The following CCNE2 variants were observed in gnomAD, a reference collection of about 807,000 sequenced individuals.
CCNE2 encodes cyclin E2.
In CCNE2, 18 loss-of-function variants were observed where a neutral mutation model predicts 56.8. The observed-to-expected ratio is 0.32, with a 90% CI of 0.22 to 0.47. The LOEUF (loss-of-function observed/expected upper bound fraction) is 0.47. Ranked by LOEUF, CCNE2 falls within the 20% of genes least tolerant of loss-of-function variation. The pLI is 1.00. For synonymous variants in CCNE2, 139 were observed against 149.2 expected (o/e 0.93, Z 0.50); for missense variants, 371 against 467.1 (o/e 0.79, Z 1.90).
At chr8:94,896,142 C>G (rs1166188544), upstream of CCNE2, among the ~76,000 whole-genome samples, 5 of 152,210 alleles carry the variant, frequency 3.3e-5, no homozygotes, top group East Asian at 7.8e-4. Flanking sequence ...GGTAAAACCC[C>G]TCTCCGGAGC....
chr8:94,887,916 T>G lies in CCNE2; in HGVS notation c.600+11A>C. ...ATAAATATATCTAAGGATAAACTTT[T>G]AAGAACTTACCTCAAGTTTGGAAGC... is the stretch of plus-strand genomic sequence containing the variant. On this transcript the variant is annotated intron_variant, in intron 7 of 11. Transcript: ENST00000308108. 3 of 1,553,328 alleles carry G rather than the reference T, an allele frequency of 1.9e-6. No homozygotes were observed. Among genetic ancestry groups the G allele is most frequent in the Non-Finnish European group, 2.6e-6 (3 of 1,156,224 alleles).
intron 9 of CCNE2, among the ~76,000 whole-genome samples, chr8:94,883,275 CAA>C (rs111261848): frequency 2.0e-5 from 2 of 98,992 alleles, no homozygotes; most frequent in African/African-American, 3.9e-5. Context: ...GACTCCGTCT[CAA>C]AAAAAAAAAA....
intron 5 of CCNE2, chr8:94,891,682 ACC>A: frequency 1.3e-5 from 7 of 542,144 alleles, no homozygotes; most frequent in Middle Eastern, 5.6e-4. Flanking sequence ...AAAAAAAAAC[ACC>A]ATGAAGTATT....
At chr8:94,887,765 ATC>A (rs1817091199) in intron 7 of CCNE2, among the ~76,000 whole-genome samples, 160 bp downstream of exon 7, 2 of 152,226 alleles carry the variant, frequency 1.3e-5, no homozygotes, top group Non-Finnish European at 2.9e-5. Context: ...ATGATAATTT[ATC>A]ATTCATCCCT....
chr8:94,887,526 T>C (rs999972307), intron 7 of CCNE2, among the ~76,000 whole-genome samples: 3 of 151,882 alleles, frequency 2.0e-5, no homozygotes, highest in Non-Finnish European at 4.4e-5. Flanking sequence ...AAAAAAAGGC[T>C]GGATAAACCA....
intron 1 of CCNE2, 155 bp from the exon 2 acceptor site, chr8:94,894,402 C>G: frequency 1.5e-6 from 1 of 660,736 alleles, no homozygotes; most frequent in Non-Finnish European, 2.6e-6. Context: ...TTAGCTAGCT[C>G]ATGGTAATTC....
At chr8:94,885,290 C>G in intron 8 of CCNE2, 89 bp from the exon 9 acceptor site, 1 of 1,258,016 alleles carries the variant, frequency 7.9e-7, no homozygotes. Context: ...AGTACATTCC[C>G]CATCCAACCA....
chr8:94,894,857 A>C (rs1004594037), intron 1 of CCNE2, among the ~76,000 whole-genome samples: 3 of 152,140 alleles, frequency 2.0e-5, no homozygotes, highest in Non-Finnish European at 4.4e-5. Context: ...GAGCTAAAGA[A>C]AGGGGAGACT....
At chr8:94,888,923 C>A (rs564842047) in intron 6 of CCNE2, among the ~76,000 whole-genome samples, 1 of 152,034 alleles carries the variant, frequency 6.6e-6, no homozygotes, top group Non-Finnish European at 1.5e-5. Flanking sequence ...CCAAGGCGGG[C>A]GGATCACTTG....
rs145240380 is a variant in CCNE2, at chr8:94,894,072, G to A, written c.62C>T (p.Ser21Phe). Residue 21 changes from serine to phenylalanine, a missense_variant, in exon 3 of 12, where the codon TCC (serine) becomes TTC (phenylalanine). Physicochemically the swap from Ser to Phe is radical, Grantham distance 155. Coordinates refer to ENST00000308108, the MANE Select transcript of CCNE2 (RefSeq NM_057749.3). ...KQQPQPSQTE[S>F]PQEAQIIQAK... ...CTGGATTATCTGGGCTTCTTGGGGG[G>A]ATTCCGTCTGGCTGGGCTGGGGCTG... The A allele has an allele frequency of 1.2e-5, 19 of 1,613,736 alleles. No individual in the cohort carries two copies. In the Admixed American group the frequency reaches 2.8e-4, roughly 24 times the overall value.
At chr8:94,891,454 T>G (rs1250483766) in intron 5 of CCNE2, 1 of 277,634 alleles carries the variant, frequency 3.6e-6, no homozygotes, top group Non-Finnish European at 7.0e-6. Flanking sequence ...AGGTCAGGAG[T>G]TCGAGACCAG....
Position 94,890,527 on chromosome 8 carries a change from C to G in CCNE2, c.341G>C (p.Trp114Ser). 1 of 1,578,496 alleles carries G rather than the reference C, an allele frequency of 6.3e-7. No individual in the cohort carries two copies. The highest frequency in any genetic ancestry group is 8.6e-7 in the Non-Finnish European group (1 of 1,160,412). The change falls in exon 6 of 12, where the codon TGG becomes TCG. Residue 114 changes from tryptophan (W) to serine (S), a missense_variant. Transcript: ENST00000308108. ...DLSWGCSKEVWLNMLKKESRY... is the reference protein window; with the variant it reads ...DLSWGCSKEVSLNMLKKESRY... ...GCTCTCCTTTTTTAACATGTTTAGCCAGACTTCTTTTGAACATCCCCAGCT... is the reference window on the plus strand; with the variant it reads ...GCTCTCCTTTTTTAACATGTTTAGCGAGACTTCTTTTGAACATCCCCAGCT...
chr8:94,886,356 A>T (rs1159018199), intron 7 of CCNE2, among the ~76,000 whole-genome samples: 1 of 152,166 alleles, frequency 6.6e-6, no homozygotes, highest in Non-Finnish European at 1.5e-5. Flanking sequence ...CATTTCAGTT[A>T]AAGAACAGCC....
At chr8:94,890,696 G>A (rs1010849488) in intron 5 of CCNE2, 146 bp from the exon 6 acceptor site, 10 of 214,248 alleles carry the variant, frequency 4.7e-5, no homozygotes, top group Non-Finnish European at 6.9e-5. Flanking sequence ...GGGTTCAAGC[G>A]ATTCTTGTGC....
rs1455769651 is a variant in CCNE2 at position 94,882,233 on chromosome 8, C to CAGT, written c.999_1000insACT (p.Asn333_Val334insThr). 1 of 1,607,132 alleles carries CAGT rather than the reference C, an allele frequency of 6.2e-7. No homozygotes were observed. Among genetic ancestry groups the CAGT allele is most frequent in the Non-Finnish European group, 8.5e-7 (1 of 1,176,456 alleles). On this transcript the variant is annotated inframe_insertion, in exon 11 of 12. Transcript: ENST00000308108. ...TTCACTGGACTAGTACTTTTTACTA[C>CAGT]ATTGACAAAAGGTACCATCCAATCT... is the stretch of plus-strand genomic sequence containing the variant.
At chr8:94,892,170 A>T (rs1316490488) in intron 5 of CCNE2, 1 of 488,210 alleles carries the variant, frequency 2.0e-6, no homozygotes, top group African/African-American at 2.0e-5. Context: ...AGCAATACAA[A>T]AAAGTTAAAC....
intron 5 of CCNE2, chr8:94,891,104 C>G (rs553653653): frequency 6.6e-6 from 1 of 152,270 alleles, no homozygotes; most frequent in African/African-American, 2.4e-5. Context: ...CAGTGGGAAC[C>G]TGGACTATGA....
chr8:94,881,637 GT>G lies in CCNE2; in HGVS notation c.1209del (p.Lys403AsnfsTer7), dbSNP rs760550653. On this transcript the variant is annotated frameshift_variant, in exon 12 of 12. Coordinates refer to ENST00000308108, the MANE Select transcript of CCNE2 (RefSeq NM_057749.3). LOFTEE classifies it high-confidence loss of function. ...PPKSTEKPPG[K>X]H ...TGTTTGCTTAGTTATCTTCTTTAGT[GT>G]TTTCCTGGTGGTTTTTCAGTGCTCT... The G allele has an allele frequency of 3.1e-6, 5 of 1,612,340 alleles. No individual in the cohort carries two copies. The Admixed American group carries it at 6.7e-5, about 22-fold the overall frequency.
Position 94,881,245 on chromosome 8 carries a change from T to A in CCNE2, c.*387A>T, listed in dbSNP as rs1362279964. The A allele has an allele frequency of 5.6e-6, 2 of 354,360 alleles. No homozygotes were observed. The highest frequency in any genetic ancestry group is 1.0e-5 in the Non-Finnish European group (2 of 199,490). 22.0% of individuals were successfully genotyped at this position (354,360 alleles called of 1,614,324 possible). ...TAACAACTAGATTCAAAGTACTGTA[T>A]CACTTAGTATACCCTTTAAGGTAGC... On this transcript the variant is annotated 3_prime_UTR_variant, in exon 12 of 12. Transcript: ENST00000308108.
Sources: allele counts gnomAD v4.1 joint callset (sites outside exome capture counted in the v4.1 genomes callset), GRCh38; gene constraint gnomAD v4.1.1; transcripts MANE v1.5; gene names NCBI Gene and HGNC (gene_info 2026-07-23, HGNC 2026-07-21).